NR1H4: variants seen among roughly 807,000 people sequenced by gnomAD.
NR1H4 encodes the protein bile acid receptor.
NR1H4 carries 23 observed loss-of-function variants against 58.5 expected under a neutral mutation model. That is an observed-to-expected ratio of 0.39 (90% CI 0.28 to 0.56). The LOEUF is 0.56. NR1H4 is among the 20% of genes least tolerant of loss of function. The pLI is 0.58. For missense variants in NR1H4, 487 were observed against 576.9 expected, an observed-to-expected ratio of 0.84 and a Z score of 1.60; for synonymous variants, 214 against 198.0, an observed-to-expected ratio of 1.08 and a Z score of -0.68.
chr12:100,489,690 C>T (rs1011852526), intron 1 of NR1H4, among the ~76,000 whole-genome samples: 4 of 151,920 alleles, frequency 2.6e-5, no homozygotes, highest in African/African-American at 7.3e-5. Flanking sequence ...AGAGTGAGAA[C>T]AATATTCTGG....
intron 1 of NR1H4, among the ~76,000 whole-genome samples, chr12:100,481,218 A>G (rs1593033571): frequency 6.6e-6 from 1 of 152,232 alleles, no homozygotes; most frequent in South Asian, 2.1e-4. Context: ...TTTGCAAACA[A>G]TTTCCATGAG....
chr12:100,476,589 G>A (rs557659347), intron 1 of NR1H4, among the ~76,000 whole-genome samples: 2 of 152,290 alleles, frequency 1.3e-5, no homozygotes, highest in South Asian at 2.1e-4. Context: ...GATTTTCAAA[G>A]GCTCACATTG....
intron 3 of NR1H4, among the ~76,000 whole-genome samples, chr12:100,494,829 A>C (rs1953678432): frequency 6.6e-6 from 1 of 152,252 alleles, no homozygotes; most frequent in African/African-American, 2.4e-5. Context: ...AATTGCACTC[A>C]AGATTTTTTT....
In NR1H4 at chr12:100,510,983, T is replaced by G. The variant is rs1217953097; in HGVS notation, c.285T>G (p.Thr95=). 6.2e-7 allele frequency: 1 copy of G among 1,614,196 alleles called. No homozygotes were observed. The highest frequency in any genetic ancestry group is 8.5e-7 in the Non-Finnish European group (1 of 1,180,042). Residue 95 remains threonine (T), a synonymous_variant, in exon 4 of 11, where the codon ACT becomes ACG. Transcript: ENST00000392986. ...IYELRRMPAE[T]LYQGETEVAE... is the part of the protein sequence containing the mutation. ...AACTCAGGCGTATGCCAGCTGAGAC[T>G]CTCTACCAGGGAGAAACTGAGGTAG...
At chr12:100,545,175 G>A (rs1436169984) in intron 9 of NR1H4, among the ~76,000 whole-genome samples, 4 of 152,082 alleles carry the variant, frequency 2.6e-5, no homozygotes, top group Non-Finnish European at 5.9e-5. Flanking sequence ...TGGGTCCTGA[G>A]CCAAGTCAGA....
intron 1 of NR1H4, among the ~76,000 whole-genome samples, chr12:100,482,886 G>A (rs530770815): frequency 6.6e-5 from 10 of 152,102 alleles, no homozygotes; most frequent in East Asian, 5.8e-4. Flanking sequence ...GAGCAGAGAC[G>A]CTTTGAAAGC....
chr12:100,560,631 T>C (rs1384824898), intron 9 of NR1H4, among the ~76,000 whole-genome samples: 3 of 152,118 alleles, frequency 2.0e-5, no homozygotes, highest in Non-Finnish European at 4.4e-5. Context: ...TTAAGAGCTG[T>C]AACACCGCGA....
chr12:100,486,384 A>T (rs1274260005), intron 1 of NR1H4, among the ~76,000 whole-genome samples: 1 of 152,222 alleles, frequency 6.6e-6, no homozygotes, highest in African/African-American at 2.4e-5. Context: ...AGCATTAATT[A>T]CTATACAAGG....
At chr12:100,530,390 GGA>G (rs1555335054) in intron 4 of NR1H4, among the ~76,000 whole-genome samples, 1 of 152,154 alleles carries the variant, frequency 6.6e-6, no homozygotes, top group Non-Finnish European at 1.5e-5. Flanking sequence ...ATCAGTAAAT[GGA>G]GGTAAAGTAG....
At chr12:100,481,841 GA>G (rs1025012205) in intron 1 of NR1H4, among the ~76,000 whole-genome samples, 1 of 152,090 alleles carries the variant, frequency 6.6e-6, no homozygotes, top group Non-Finnish European at 1.5e-5. Flanking sequence ...GTGAACCCAG[GA>G]GGCGGAGCTT....
chr12:100,561,674 C>T (rs36205990), intron 9 of NR1H4, among the ~76,000 whole-genome samples: 1 of 152,308 alleles, frequency 6.6e-6, no homozygotes, highest in East Asian at 1.9e-4. Context: ...ACTCATTACA[C>T]TCATTGTTTT....
chr12:100,504,077 A>T (rs1235368939), intron 3 of NR1H4, among the ~76,000 whole-genome samples: 1 of 152,132 alleles, frequency 6.6e-6, no homozygotes, highest in Non-Finnish European at 1.5e-5. Flanking sequence ...AAAAATGAAA[A>T]GAGTTTGGGA....
chr12:100,554,488 T>C (rs1032844325), intron 9 of NR1H4, among the ~76,000 whole-genome samples: 5 of 151,982 alleles, frequency 3.3e-5, no homozygotes, highest in Non-Finnish European at 4.4e-5. Flanking sequence ...CTTTTAACAT[T>C]TAAAACACCT....
At chr12:100,538,883 G>A (rs1954871428) in intron 8 of NR1H4, among the ~76,000 whole-genome samples, 1 of 152,098 alleles carries the variant, frequency 6.6e-6, no homozygotes, top group South Asian at 2.1e-4. Context: ...CAATGAAAGA[G>A]GAACTTAATT....
At chr12:100,475,832 T>C (rs1593027198) in intron 1 of NR1H4, among the ~76,000 whole-genome samples, 1 of 151,882 alleles carries the variant, frequency 6.6e-6, no homozygotes, top group South Asian at 2.1e-4. Context: ...ACCTCCCGGG[T>C]TCAAGCGATT....
intron 3 of NR1H4, among the ~76,000 whole-genome samples, chr12:100,506,852 T>G (rs1953978022): frequency 6.6e-6 from 1 of 152,196 alleles, no homozygotes; most frequent in Admixed American, 6.5e-5. Context: ...GGTTCTCATA[T>G]TTTTACTGAT....
chr12:100,549,976 A>G (rs886824591), intron 9 of NR1H4, among the ~76,000 whole-genome samples: 4 of 152,334 alleles, frequency 2.6e-5, no homozygotes, highest in South Asian at 2.1e-4. Context: ...CCAGAGTAAC[A>G]TAATGCTCAA....
intron 9 of NR1H4, among the ~76,000 whole-genome samples, chr12:100,542,346 G>GAA (rs201799639): frequency 0.018 from 2,777 of 150,422 alleles, 67 homozygotes; most frequent in African/African-American, 0.056. Flanking sequence ...GACTCAGTCT[G>GAA]AAAAAAAAAG....
chr12:100,524,395 G>A (rs886576916), intron 4 of NR1H4, among the ~76,000 whole-genome samples: 2 of 152,134 alleles, frequency 1.3e-5, no homozygotes, highest in Admixed American at 6.5e-5. Context: ...GAACCTCAGG[G>A]AAGATGCTGG....
Sources: gnomAD v4.1 joint callset for allele counts (sites outside exome capture counted in the v4.1 genomes callset) on GRCh38, gnomAD v4.1.1 for gene constraint, MANE v1.5 for transcripts, NCBI Gene and HGNC (gene_info 2026-07-23, HGNC 2026-07-21) for gene names.